NKAIN2: variants seen among roughly 807,000 people sequenced by gnomAD.
NKAIN2 encodes sodium/potassium transporting ATPase interacting 2, also known as sodium/potassium-transporting ATPase subunit beta-1-interacting protein 2.
A neutral mutation model predicts 32.6 loss-of-function variants in NKAIN2; 14 were observed. The observed-to-expected ratio is 0.43, with a 90% CI of 0.28 to 0.67. NKAIN2 has a LOEUF of 0.67. NKAIN2 is among the 30% of genes least tolerant of loss of function. The pLI is 0.17. For synonymous variants in NKAIN2, 80 were observed against 87.2 expected, an observed-to-expected ratio of 0.92 and a Z score of 0.46; for missense variants, 198 against 258.3, an observed-to-expected ratio of 0.77 and a Z score of 1.60.
chr6:123,903,709 T>C (rs1435302072), intron 1 of NKAIN2, among the ~76,000 whole-genome samples: 1 of 152,226 alleles, frequency 6.6e-6, no homozygotes, highest in Non-Finnish European at 1.5e-5. Flanking sequence ...GTAGACCTAA[T>C]TATCTTCTTA....
In NKAIN2 at chr6:124,715,839, G is replaced by A. The variant is rs551063804; in HGVS notation, c.474+57453G>A. ...ATATAACATCTAGATTCTGGCTAAA[G>A]CGAATGCTCTAGTGCCATTTTTTGG... On this transcript the variant is annotated intron_variant, in intron 4 of 6. Coordinates refer to ENST00000368417, the MANE Select transcript of NKAIN2 (RefSeq NM_001040214.3). 9.8e-5 allele frequency among the ~76,000 whole-genome samples: 15 copies of A among 152,294 alleles called. No homozygotes were observed. The South Asian group carries it at 3.1e-3, about 32-fold the overall frequency.
chr6:123,954,738 G>C (rs934850636), intron 1 of NKAIN2, among the ~76,000 whole-genome samples: 7 of 152,164 alleles, frequency 4.6e-5, no homozygotes, highest in South Asian at 2.1e-4. Flanking sequence ...CTGAGTGAAG[G>C]GTCTCCAGAT....
intron 1 of NKAIN2, among the ~76,000 whole-genome samples, chr6:123,968,333 C>T (rs905931823): frequency 1.3e-5 from 2 of 152,108 alleles, no homozygotes; most frequent in Admixed American, 1.3e-4. Context: ...GGTGCTATTA[C>T]TTATAGTGGT....
At chr6:123,808,729 G>T (rs925119549) in intron 1 of NKAIN2, among the ~76,000 whole-genome samples, 1 of 152,120 alleles carries the variant, frequency 6.6e-6, no homozygotes. Flanking sequence ...CTGGCATGGG[G>T]CCCGTATGTG....
chr6:123,857,135 A>G (rs6569368), intron 1 of NKAIN2, among the ~76,000 whole-genome samples: 63,538 of 151,966 alleles, frequency 0.42, 13,632 homozygotes, highest in African/African-American at 0.51. Flanking sequence ...CTGTCCAGAA[A>G]AATGCCTGTC....
intron 3 of NKAIN2, among the ~76,000 whole-genome samples, chr6:124,432,960 T>G (rs1349826787): frequency 1.3e-5 from 2 of 151,876 alleles, no homozygotes; most frequent in Non-Finnish European, 2.9e-5. Context: ...TCCATGAAGT[T>G]GTGATCCTCT....
chr6:123,954,271 GA>G (rs1432316773), intron 1 of NKAIN2, among the ~76,000 whole-genome samples: 1 of 152,184 alleles, frequency 6.6e-6, no homozygotes, highest in Non-Finnish European at 1.5e-5. Context: ...GATACAGCGT[GA>G]GCTCCCTCTC....
rs553183655 is a variant in NKAIN2, at chr6:124,808,437, T to G, written c.536-9950T>G. On this transcript the variant is annotated intron_variant, in intron 5 of 6. Coordinates refer to ENST00000368417, the MANE Select transcript of NKAIN2 (RefSeq NM_001040214.3). The stretch of plus-strand genomic sequence containing the variant: ...GGCCTTTGACAAAATTCAACAACGC[T>G]TCATGCTAAAAACTCTCAATAAGTT... 2.0e-5 allele frequency among the ~76,000 whole-genome samples: 3 copies of G among 152,312 alleles called. No homozygotes were observed. The East Asian group carries it at 5.8e-4, about 29-fold the overall frequency.
intron 1 of NKAIN2, among the ~76,000 whole-genome samples, chr6:124,178,858 T>C (rs558799379): frequency 3.0e-4 from 45 of 152,300 alleles, no homozygotes; most frequent in African/African-American, 1.1e-3. Context: ...GACTCAACTC[T>C]GATTAGAATA....
intron 3 of NKAIN2, among the ~76,000 whole-genome samples, chr6:124,506,879 A>G (rs1296798909): frequency 1.3e-5 from 2 of 152,188 alleles, no homozygotes; most frequent in Non-Finnish European, 2.9e-5. Context: ...GAAATCGCTT[A>G]GGCATTGTCT....
chr6:124,394,273 G>A (rs61442849), intron 3 of NKAIN2, among the ~76,000 whole-genome samples: 17,378 of 152,058 alleles, frequency 0.11, 2,914 homozygotes, highest in African/African-American at 0.37. Context: ...TCCAGCTTTT[G>A]TAGTTCTGTA....
intron 3 of NKAIN2, among the ~76,000 whole-genome samples, chr6:124,398,930 T>A (rs1470479634): frequency 6.6e-6 from 1 of 152,170 alleles, no homozygotes; most frequent in Non-Finnish European, 1.5e-5. Flanking sequence ...TGCCTTGATT[T>A]TATTTATTTA....
chr6:124,711,611 C>T (rs1437127970), intron 4 of NKAIN2, among the ~76,000 whole-genome samples: 6 of 150,628 alleles, frequency 4.0e-5, no homozygotes, highest in African/African-American at 1.2e-4. Flanking sequence ...TTGATCGCAT[C>T]GGCTCCTGAG....
chr6:124,658,449 C>T (rs771083573), intron 4 of NKAIN2, 63 bp downstream of exon 4: 54 of 1,612,358 alleles, frequency 3.3e-5, no homozygotes, highest in South Asian at 8.8e-5. Context: ...TCTGTGCGAA[C>T]TCAGTGCACA....
rs77599996 is a variant in NKAIN2, at chr6:124,623,021, G to A, written c.274-35165G>A. On this transcript the variant is annotated intron_variant, in intron 3 of 6. Transcript: ENST00000368417. ...CAGGCTTGAGGATGGGGCTTTTGCC[G>A]GGTAACTGCCCTCTTCTACCCAGCA... Among the ~76,000 whole-genome samples, 194 of 152,164 alleles carry A rather than the reference G, an allele frequency of 1.3e-3. 1 individual carries two copies. The East Asian group carries it at 0.031, about 25-fold the overall frequency.
intron 4 of NKAIN2, among the ~76,000 whole-genome samples, chr6:124,712,590 T>TC (rs945306898): frequency 6.9e-6 from 1 of 145,108 alleles, no homozygotes; most frequent in African/African-American, 2.6e-5. Flanking sequence ...TCCAGGTGCG[T>TC]CCGTCACCCC....
intron 1 of NKAIN2, among the ~76,000 whole-genome samples, chr6:124,194,471 T>A (rs1300955009): frequency 1.3e-5 from 2 of 152,198 alleles, no homozygotes; most frequent in Non-Finnish European, 2.9e-5. Flanking sequence ...AATTGGAATG[T>A]TGATACATTT....
At position 124,329,458 on chromosome 6, in the gene NKAIN2, A is replaced by C. The variant is rs192867535; in HGVS notation, c.193-25809A>C. On this transcript the variant is annotated intron_variant, in intron 2 of 6. Coordinates refer to ENST00000368417, the MANE Select transcript of NKAIN2 (RefSeq NM_001040214.3). Reference sequence around the variant, plus strand: ...TAATGGAATTCTGGCTTTATTCCCTAATGGAAGCACTTTTCTCAGCAATGT... The same window carrying C: ...TAATGGAATTCTGGCTTTATTCCCTCATGGAAGCACTTTTCTCAGCAATGT... 5.3e-5 allele frequency among the ~76,000 whole-genome samples: 8 copies of C among 152,220 alleles called. No homozygotes were observed. In the East Asian group the frequency reaches 1.6e-3, roughly 30 times the overall value.
At chr6:123,997,305 A>G (rs1188216016) in intron 1 of NKAIN2, among the ~76,000 whole-genome samples, 1 of 152,224 alleles carries the variant, frequency 6.6e-6, no homozygotes, top group Non-Finnish European at 1.5e-5. Context: ...CAACTAGCCT[A>G]TAAAACATGT....
Sources: gnomAD v4.1 joint callset for allele counts (sites outside exome capture counted in the v4.1 genomes callset) on GRCh38, gnomAD v4.1.1 for gene constraint, MANE v1.5 for transcripts, NCBI Gene and HGNC (gene_info 2026-07-23, HGNC 2026-07-21) for gene names.